Variants in TMEM62 observed in about 807,000 individuals in gnomAD.
TMEM62 encodes the protein transmembrane protein 62.
Under a neutral mutation model 70.4 loss-of-function variants are expected in TMEM62, and 41 were observed. That is an observed-to-expected ratio of 0.58 (90% confidence interval 0.45 to 0.76). The LOEUF (loss-of-function observed/expected upper bound fraction) is 0.76. Among genes scored for constraint, TMEM62 ranks in the 30% least tolerant of loss-of-function variants. The probability of loss-of-function intolerance (pLI) is 0.00; values close to 1 mark genes in which losing one functional copy is unlikely to be tolerated. For missense variants in TMEM62, 688 were observed against 788.5 expected (o/e 0.87, Z 1.53); for synonymous variants, 268 against 291.0 (o/e 0.92, Z 0.80).
chr15:43,184,644 A>G lies in TMEM62; in HGVS notation c.*58A>G. ...AGCCCAGCCTCTGTGTCTGTAGCCC[A>G]GGCCTCTACCCCAGTAGCAGGTGGA... On this transcript the variant is annotated 3_prime_UTR_variant, in exon 14 of 14. Transcript: ENST00000260403. The G allele has an allele frequency of 6.0e-6, 9 of 1,502,850 alleles. No individual in the cohort carries two copies. Among genetic ancestry groups the G allele is most frequent in the Non-Finnish European group, 4.5e-6 (5 of 1,105,460 alleles). 93.1% of individuals were successfully genotyped at this position (1,502,850 alleles called of 1,614,324 possible).
chr15:43,181,354 A>G, intron 13 of TMEM62, 55 bp downstream of exon 13: 2 of 1,120,208 alleles, frequency 1.8e-6, no homozygotes, highest in African/African-American at 1.5e-5. Context: ...GACTAATTGC[A>G]TAACAGTTAT....
chr15:43,135,500 G>T lies in TMEM62; in HGVS notation c.293-12G>T. The T allele has an allele frequency of 6.3e-7, 1 of 1,576,752 alleles. No individual in the cohort carries two copies. Among genetic ancestry groups the T allele is most frequent in the Non-Finnish European group, 8.5e-7 (1 of 1,170,452 alleles). Reference sequence around the variant, plus strand: ...TTTTGCATTGTGATTCAATTCTTGTGTAAACCTACAGGAGACCTGACAGAT... The same window carrying T: ...TTTTGCATTGTGATTCAATTCTTGTTTAAACCTACAGGAGACCTGACAGAT... On this transcript the variant is annotated splice_polypyrimidine_tract_variant and intron_variant, in intron 2 of 13. Coordinates refer to ENST00000260403, the MANE Select transcript of TMEM62 (RefSeq NM_024956.4).
At position 43,169,638 on chromosome 15, in the gene TMEM62, C is replaced by A; in HGVS notation, c.1342C>A (p.Leu448Ile). 6.2e-7 allele frequency: 1 copy of A among 1,614,092 alleles called. No individual in the cohort carries two copies. The highest frequency in any genetic ancestry group is 8.5e-7 in the Non-Finnish European group (1 of 1,180,006). Residue 448 changes from leucine to isoleucine, a missense_variant, in exon 11 of 14, where the codon CTC becomes ATC. By Grantham distance (5) the Leu-to-Ile change is conservative. Coordinates refer to ENST00000260403, the MANE Select transcript of TMEM62 (RefSeq NM_024956.4). Reference protein sequence around the residue: ...VLIVLSQLTILIIFRYRGYPE... With the variant: ...VLIVLSQLTIIIIFRYRGYPE... Reference sequence around the variant, plus strand: ...GATTGTGCTGAGCCAGCTCACCATTCTCATTATTTTTAGATATCGAGGATA... The same window carrying A: ...GATTGTGCTGAGCCAGCTCACCATTATCATTATTTTTAGATATCGAGGATA...
intron 2 of TMEM62, 152 bp downstream of exon 2, chr15:43,134,520 C>A: frequency 1.6e-6 from 1 of 621,316 alleles, no homozygotes; most frequent in Non-Finnish European, 2.8e-6. Context: ...GACATTCTAA[C>A]CCCTTTGCCT....
chr15:43,184,563 T>C lies in TMEM62; in HGVS notation c.1909T>C (p.Leu637=). The C allele has an allele frequency of 6.2e-7, 1 of 1,611,014 alleles. No homozygotes were observed. The highest frequency in any genetic ancestry group is 1.1e-5 in the South Asian group (1 of 91,076). The change falls in exon 14 of 14, where the codon TTA becomes CTA. Residue 637 remains leucine, a synonymous_variant. Transcript: ENST00000260403. ...STKFGIFMVQ[L]KSHLSS ...CAAGTTTGGAATCTTCATGGTGCAGTTAAAAAGCCACCTGAGCTCCTGAAG... is the reference window on the plus strand; with the variant it reads ...CAAGTTTGGAATCTTCATGGTGCAGCTAAAAAGCCACCTGAGCTCCTGAAG...
chr15:43,176,968 T>A (rs1323408402), intron 11 of TMEM62, among the ~76,000 whole-genome samples: 1 of 151,948 alleles, frequency 6.6e-6, no homozygotes, highest in Non-Finnish European at 1.5e-5. Context: ...GTAACTAGAA[T>A]AACCAATACA....
In TMEM62 at chr15:43,135,523, G is replaced by A. The variant is rs190045614; in HGVS notation, c.304G>A (p.Asp102Asn). ...ALVLATGDLT[D>N]AKTKEQLGSR... is the part of the protein sequence containing the mutation. ...GTGTAAACCTACAGGAGACCTGACAGATGCCAAAACAAAGGAACAGTTGGG... is the reference window on the plus strand; with the variant it reads ...GTGTAAACCTACAGGAGACCTGACAAATGCCAAAACAAAGGAACAGTTGGG... The change falls in exon 3 of 14, where the codon GAT (aspartate) becomes AAT (asparagine). Residue 102 changes from aspartate (D) to asparagine (N), a missense_variant. Coordinates refer to ENST00000260403, the MANE Select transcript of TMEM62 (RefSeq NM_024956.4). The A allele has an allele frequency of 1.3e-6, 2 of 1,599,730 alleles. No homozygotes were observed. Among genetic ancestry groups the A allele is most frequent in the East Asian group, 2.2e-5 (1 of 44,710 alleles).
rs148306034 is a variant in TMEM62, at chr15:43,146,566, A to T, written c.550A>T (p.Ile184Phe). The T allele has an allele frequency of 1.2e-5, 19 of 1,613,670 alleles. No individual in the cohort carries two copies. The highest frequency in any genetic ancestry group is 1.5e-5 in the Non-Finnish European group (18 of 1,179,624). ...HSTPFGNYSF[I>F]CVDATVNPGP... ...TACTCCCTTTGGCAACTATTCGTTC[A>T]TCTGTGTAGATGCCACTGTAAATCC... The change falls in exon 5 of 14, where the codon ATC becomes TTC. Residue 184 changes from isoleucine to phenylalanine, a missense_variant. Transcript: ENST00000260403.
At chr15:43,155,294 T>G (rs901418757) in intron 9 of TMEM62, among the ~76,000 whole-genome samples, 1 of 151,492 alleles carries the variant, frequency 6.6e-6, no homozygotes, top group Non-Finnish European at 1.5e-5. Context: ...GCCAGTAGTT[T>G]GAGACCAGCC....
At chr15:43,155,225 G>A (rs989537624) in intron 9 of TMEM62, among the ~76,000 whole-genome samples, 4 of 152,066 alleles carry the variant, frequency 2.6e-5, no homozygotes, top group Non-Finnish European at 5.9e-5. Flanking sequence ...GCCAGACCCT[G>A]TCTCAAAATA....
chr15:43,154,925 C>G, intron 9 of TMEM62, 94 bp downstream of exon 9: 1 of 1,183,574 alleles, frequency 8.4e-7, no homozygotes, highest in Non-Finnish European at 1.1e-6. Context: ...GTAATGAAAC[C>G]ATGTTTAAAA....
At chr15:43,143,647 G>C (rs2036332545) in intron 4 of TMEM62, among the ~76,000 whole-genome samples, 1 of 152,148 alleles carries the variant, frequency 6.6e-6, no homozygotes, top group Admixed American at 6.5e-5. Flanking sequence ...TGGCCTCTGT[G>C]GTGGCTGGAG....
chr15:43,168,403 C>T (rs2039823849), intron 10 of TMEM62, among the ~76,000 whole-genome samples: 1 of 152,062 alleles, frequency 6.6e-6, no homozygotes, highest in South Asian at 2.1e-4. Flanking sequence ...GATGTTTATT[C>T]AAGGCCCAGG....
At chr15:43,175,801 C>T (rs544963033) in intron 11 of TMEM62, among the ~76,000 whole-genome samples, 1 of 152,324 alleles carries the variant, frequency 6.6e-6, no homozygotes, top group African/African-American at 2.4e-5. Flanking sequence ...GTACCAGGTT[C>T]ATCTCACTAG....
At chr15:43,167,696 G>T (rs940625256) in intron 10 of TMEM62, among the ~76,000 whole-genome samples, 81 of 152,252 alleles carry the variant, frequency 5.3e-4, no homozygotes, top group Non-Finnish European at 9.1e-4. Context: ...GCCAGGCAGA[G>T]ACGCTCCTCA....
intron 11 of TMEM62, among the ~76,000 whole-genome samples, chr15:43,172,533 C>T (rs1448423077): frequency 1.3e-5 from 2 of 152,164 alleles, no homozygotes. Flanking sequence ...CAAAGAGTTA[C>T]ACAAAGATCA....
intron 11 of TMEM62, among the ~76,000 whole-genome samples, chr15:43,176,487 G>A (rs1043856117): frequency 2.0e-5 from 3 of 152,166 alleles, no homozygotes; most frequent in African/African-American, 7.2e-5. Context: ...TGAGACAAAA[G>A]TTCCAGAGGA....
intron 11 of TMEM62, among the ~76,000 whole-genome samples, chr15:43,175,590 T>C (rs192326523): frequency 6.6e-6 from 1 of 152,338 alleles, no homozygotes; most frequent in East Asian, 1.9e-4. Flanking sequence ...CTTGGGCTTT[T>C]TGGCACTGTA....
In TMEM62 at chr15:43,135,506, C is replaced by A. The variant is rs377611212; in HGVS notation, c.293-6C>A. On this transcript the variant is annotated splice_polypyrimidine_tract_variant and splice_region_variant and intron_variant, in intron 2 of 13. Coordinates refer to ENST00000260403, the MANE Select transcript of TMEM62 (RefSeq NM_024956.4). ...ATTGTGATTCAATTCTTGTGTAAAC[C>A]TACAGGAGACCTGACAGATGCCAAA... is the stretch of plus-strand genomic sequence containing the variant. 9.5e-6 allele frequency: 15 copies of A among 1,585,982 alleles called. No homozygotes were observed. The African/African-American group carries it at 1.8e-4, about 19-fold the overall frequency.
Sources: gnomAD v4.1 joint callset for allele counts (sites outside exome capture counted in the v4.1 genomes callset) on GRCh38, gnomAD v4.1.1 for gene constraint, MANE v1.5 for transcripts, NCBI Gene and HGNC (gene_info 2026-07-23, HGNC 2026-07-21) for gene names.